ZNF787: variants seen among roughly 807,000 people sequenced by gnomAD.
The protein encoded by ZNF787 is TTF-I-interacting peptide 20.
ZNF787 carries 7 observed loss-of-function variants against 16.9 expected under a neutral mutation model. The ratio of observed to expected loss-of-function variants is 0.42; its 90% CI spans 0.24 to 0.78. The LOEUF is 0.78. ZNF787 is among the 30% of genes least tolerant of loss of function. ZNF787 has a pLI of 0.30. For missense variants in ZNF787, 551 were observed against 589.3 expected (o/e 0.94, Z 0.67); for synonymous variants, 345 against 270.9 (o/e 1.27, Z -2.69).
chr19:56,101,998 C>T (rs1225056453), intron 2 of ZNF787: 1 of 152,214 alleles, frequency 6.6e-6, no homozygotes, highest in Non-Finnish European at 1.5e-5. Context: ...TCAAAACCCC[C>T]ATCATAGTTT....
At chr19:56,093,208 G>T (rs933129040) in intron 2 of ZNF787, among the ~76,000 whole-genome samples, 101 of 151,738 alleles carry the variant, frequency 6.7e-4, no homozygotes, top group African/African-American at 2.2e-3. Context: ...AGACACAGGG[G>T]TTGGCAGAAG....
At chr19:56,113,742 C>T (rs1456902797) in intron 1 of ZNF787, among the ~76,000 whole-genome samples, 3 of 151,750 alleles carry the variant, frequency 2.0e-5, no homozygotes, top group Admixed American at 6.6e-5. Flanking sequence ...CACGGCGTTT[C>T]TTTTGGGATG....
At position 56,088,873 on chromosome 19, in the gene ZNF787, C is replaced by T; in HGVS notation, c.299G>A (p.Gly100Asp). 6.2e-7 allele frequency: 1 copy of T among 1,607,830 alleles called. No individual in the cohort carries two copies. The change falls in exon 3 of 3, where the codon GGC (glycine) becomes GAC (aspartate). Residue 100 changes from glycine to aspartate, a missense_variant. Transcript: ENST00000610935. The surrounding 1 kb of genome is among the most constrained non-coding windows in gnomAD (Gnocchi z 8.6). ...GTGCGAGCTCTGCGAGAAGGTCTTG[C>T]CGCAGTCGGCGCAGGCGTTGGGCCG... The part of the protein sequence containing the change: ...GERPNACADC[G>D]KTFSQSSHLV...
chr19:56,104,579 G>A (rs535910259), intron 1 of ZNF787, among the ~76,000 whole-genome samples: 64 of 151,578 alleles, frequency 4.2e-4, no homozygotes, highest in African/African-American at 9.2e-4. Flanking sequence ...CCACCCACCC[G>A]TGCCACGTAC....
chr19:56,101,411 A>T (rs1986094475), intron 2 of ZNF787, among the ~76,000 whole-genome samples: 1 of 152,250 alleles, frequency 6.6e-6, no homozygotes, highest in South Asian at 2.1e-4. Flanking sequence ...ACTCCCACAG[A>T]CGCAGGGCCA....
At position 56,104,796 on chromosome 19, in the gene ZNF787, C is replaced by T. The variant is rs559193434; in HGVS notation, c.-10-1569G>A. Among the ~76,000 whole-genome samples the T allele has an allele frequency of 4.6e-5, 7 of 152,386 alleles. No homozygotes were observed. In the East Asian group the frequency reaches 1.2e-3, roughly 25 times the overall value. On this transcript the variant is annotated intron_variant, in intron 1 of 2. Transcript: ENST00000610935. ...GAGAGCAGAGCCTTTGCCACGCGCC[C>T]GAGTTGTTGAAGGGTTCATACCCAG...
chr19:56,106,417 T>G, intron 1 of ZNF787, among the ~76,000 whole-genome samples: 1 of 152,258 alleles, frequency 6.6e-6, no homozygotes, highest in Non-Finnish European at 1.5e-5. Flanking sequence ...CATTTATTTC[T>G]GTGGACGTTC....
chr19:56,089,114 G>C (rs1026029393), intron 2 of ZNF787, 22 bp from the exon 3 acceptor site: 18 of 1,440,888 alleles, frequency 1.2e-5, no homozygotes, highest in Non-Finnish European at 1.4e-5. Flanking sequence ...GAGGGTAGGG[G>C]GAGGTGAGTC....
chr19:56,089,394 G>A (rs1292564907), intron 2 of ZNF787, among the ~76,000 whole-genome samples: 3 of 152,106 alleles, frequency 2.0e-5, no homozygotes, highest in East Asian at 1.9e-4. Flanking sequence ...GGCGAGGGGC[G>A]GGATCCACGG....
intron 1 of ZNF787, among the ~76,000 whole-genome samples, chr19:56,110,602 C>G (rs2029953130): frequency 6.6e-6 from 1 of 152,024 alleles, no homozygotes; most frequent in Non-Finnish European, 1.5e-5. Context: ...CTGCTCCTCA[C>G]CTCCTCTTCT....
rs1355213617 is a variant in ZNF787, at chr19:56,087,918, G to C, written c.*105C>G. ...GGCGGGGAGCCGGGGATGCCGCGGG[G>C]TCCATCGCACCCCGTCCGCTTCTCC... is the stretch of plus-strand genomic sequence containing the variant. On this transcript the variant is annotated 3_prime_UTR_variant, in exon 3 of 3. Coordinates refer to ENST00000610935, the MANE Select transcript of ZNF787 (RefSeq NM_001002836.4). The C allele has an allele frequency of 3.8e-5, 49 of 1,280,536 alleles. No homozygotes were observed. Among genetic ancestry groups the C allele is most frequent in the Admixed American group, 8.8e-5 (2 of 22,834 alleles). 79.3% of individuals were successfully genotyped at this position (1,280,536 alleles called of 1,614,324 possible).
Position 56,088,150 on chromosome 19 carries a change from A to ACCGCGTGGATCTTCTTGTGTCT in ZNF787, c.1000_1021dup (p.Val341GlufsTer129). The ACCGCGTGGATCTTCTTGTGTCT allele has an allele frequency of 6.4e-7, 1 of 1,553,400 alleles. No individual in the cohort carries two copies. The highest frequency in any genetic ancestry group is 8.7e-7 in the Non-Finnish European group (1 of 1,155,042). On this transcript the variant is annotated frameshift_variant, in exon 3 of 3. Coordinates refer to ENST00000610935, the MANE Select transcript of ZNF787 (RefSeq NM_001002836.4). LOFTEE classifies it high-confidence loss of function. This position sits in a 1 kb window ranked among gnomAD's most constrained non-coding sequence, Gnocchi z 8.6. Reference sequence around the variant, plus strand: ...GCTGCTGCAGACCGAGGGCGCGCCCACCGCGTGGATCTTCTTGTGTCTCCG... The same window carrying ACCGCGTGGATCTTCTTGTGTCT: ...GCTGCTGCAGACCGAGGGCGCGCCCACCGCGTGGATCTTCTTGTGTCTCCGCGTGGATCTTCTTGTGTCTCCG...
chr19:56,092,500 G>A (rs1160202176), intron 2 of ZNF787, among the ~76,000 whole-genome samples: 2 of 141,976 alleles, frequency 1.4e-5, no homozygotes, highest in Non-Finnish European at 3.0e-5. Flanking sequence ...GGAGATAAAT[G>A]TTTCTAGAGC....
At position 56,115,352 on chromosome 19, in the gene ZNF787, TGC is replaced by T. The variant is rs1341840858; in HGVS notation, c.-11+5818_-11+5819del. On this transcript the variant is annotated intron_variant, in intron 1 of 2. Coordinates refer to ENST00000610935, the MANE Select transcript of ZNF787 (RefSeq NM_001002836.4). ...GCCGGCCGCGGCACGTTGATTTCGC[TGC>T]TTTTTTTTTTTTTTTTTTTTTTGAG... 8.3e-5 allele frequency among the ~76,000 whole-genome samples: 12 copies of T among 144,232 alleles called. No individual in the cohort carries two copies. The South Asian group carries it at 8.8e-4, about 11-fold the overall frequency. The allele number at this position is 144,232 out of a possible 152,430, so 94.6% of individuals were successfully genotyped here. A position where few individuals can be genotyped will look rare whatever the true frequency, so the allele number is the denominator to read the frequency against.
chr19:56,102,886 T>C (rs1483369525), intron 2 of ZNF787: 1 of 702,900 alleles, frequency 1.4e-6, no homozygotes, highest in Non-Finnish European at 2.6e-6. Flanking sequence ...ACAGAGGAAG[T>C]CAGGCAGAGA....
intron 2 of ZNF787, among the ~76,000 whole-genome samples, chr19:56,092,890 G>A (rs1347786254): frequency 6.6e-6 from 1 of 151,872 alleles, no homozygotes; most frequent in Non-Finnish European, 1.5e-5. Context: ...TGGCGTAAGT[G>A]GGATACCCCA....
intron 2 of ZNF787, among the ~76,000 whole-genome samples, chr19:56,099,710 CA>C (rs10683508): frequency 7.5e-5 from 8 of 106,578 alleles, no homozygotes; most frequent in East Asian, 2.6e-4. Context: ...GGCTCCGTCT[CA>C]AAAAAAAAAA....
chr19:56,090,068 T>A (rs141550360), intron 2 of ZNF787, among the ~76,000 whole-genome samples: 5 of 152,292 alleles, frequency 3.3e-5, no homozygotes, highest in African/African-American at 1.2e-4. Context: ...TTCAAAGCCA[T>A]GAATCACAAT....
At chr19:56,093,343 A>C (rs908871109) in intron 2 of ZNF787, among the ~76,000 whole-genome samples, 5 of 151,926 alleles carry the variant, frequency 3.3e-5, no homozygotes, top group Admixed American at 3.3e-4. Context: ...TAGACGCAGG[A>C]GATGGCGGAA....
Sources: allele counts gnomAD v4.1 joint callset (sites outside exome capture counted in the v4.1 genomes callset), GRCh38; gene constraint gnomAD v4.1.1; non-coding constraint Gnocchi (gnomAD v3.1); transcripts MANE v1.5; gene names NCBI Gene and HGNC (gene_info 2026-07-23, HGNC 2026-07-21).